The following GRID1 variants were observed in gnomAD, a reference collection of about 807,000 sequenced individuals.
GRID1 encodes glutamate ionotropic receptor delta type subunit 1, also known as glutamate receptor ionotropic, delta-1.
GRID1 carries 28 observed loss-of-function variants against 98.0 expected under a neutral mutation model. That is an observed-to-expected ratio of 0.29 (90% CI 0.21 to 0.39). GRID1 has a LOEUF of 0.39. Among genes scored for constraint, GRID1 ranks in the 10% least tolerant of loss-of-function variants. The pLI is 1.00. For synonymous variants in GRID1, 553 were observed against 538.5 expected, an observed-to-expected ratio of 1.03 and a Z score of -0.37; for missense variants, 1,111 against 1,340.5, an observed-to-expected ratio of 0.83 and a Z score of 2.67.
chr10:86,131,599 A>C (rs1844839558), intron 4 of GRID1, among the ~76,000 whole-genome samples: 1 of 152,222 alleles, frequency 6.6e-6, no homozygotes, highest in South Asian at 2.1e-4. Context: ...CAGAGCACCA[A>C]GAATGGGATG....
rs117964943 is a variant in GRID1 at position 85,840,679 on chromosome 10, T to C, written c.1233+13817A>G. Among the ~76,000 whole-genome samples, 73 of 152,256 alleles carry C rather than the reference T, an allele frequency of 4.8e-4. 2 individuals are homozygous for C. In the East Asian group the frequency reaches 0.011, roughly 22 times the overall value. ...ATCAATGTGCAAAAATCACTAGCAT[T>C]CTTATACATCAACCACTGTAAAGCA... On this transcript the variant is annotated intron_variant, in intron 8 of 15. Transcript: ENST00000327946.
intron 12 of GRID1, among the ~76,000 whole-genome samples, chr10:85,667,316 C>CACAGAGAG (rs1178027068): frequency 4.0e-5 from 6 of 148,906 alleles, no homozygotes; most frequent in South Asian, 2.2e-4. Context: ...CACACACACA[C>CACAGAGAG]AGAGAGAGAG....
chr10:86,013,052 G>T (rs1212554642), intron 4 of GRID1, among the ~76,000 whole-genome samples: 1 of 152,142 alleles, frequency 6.6e-6, no homozygotes, highest in East Asian at 1.9e-4. Flanking sequence ...GGTCAGAGTA[G>T]GGGCTAATGC....
At chr10:85,633,705 T>C (rs1590168009) in intron 13 of GRID1, among the ~76,000 whole-genome samples, 2 of 152,330 alleles carry the variant, frequency 1.3e-5, no homozygotes, top group East Asian at 3.9e-4. Flanking sequence ...TTATAGCCTT[T>C]GCTAAAATGT....
At chr10:86,128,732 G>C (rs985628514) in intron 4 of GRID1, among the ~76,000 whole-genome samples, 8 of 152,134 alleles carry the variant, frequency 5.3e-5, no homozygotes. Context: ...TCAGAATGTT[G>C]ACCTTGCCCA....
intron 5 of GRID1, among the ~76,000 whole-genome samples, chr10:85,880,693 T>A (rs1166007061): frequency 3.9e-5 from 6 of 151,980 alleles, no homozygotes; most frequent in African/African-American, 1.5e-4. Flanking sequence ...ACTGGAAGCA[T>A]TCCCTTTGAA....
intron 3 of GRID1, among the ~76,000 whole-genome samples, chr10:86,149,475 G>T (rs1268592094): frequency 6.6e-6 from 1 of 152,138 alleles, no homozygotes; most frequent in East Asian, 1.9e-4. Flanking sequence ...CCCCTGCCTG[G>T]GGCACTAACA....
At chr10:85,828,472 G>T (rs1842839484) in intron 8 of GRID1, among the ~76,000 whole-genome samples, 1 of 151,870 alleles carries the variant, frequency 6.6e-6, no homozygotes, top group African/African-American at 2.4e-5. Context: ...ACCGAGATGT[G>T]AAAAACCATA....
chr10:85,799,688 G>A (rs1842558125), intron 8 of GRID1, among the ~76,000 whole-genome samples: 1 of 152,072 alleles, frequency 6.6e-6, no homozygotes, highest in Admixed American at 6.5e-5. Flanking sequence ...GTAGAGAGTA[G>A]AATAGTGGTT....
chr10:86,181,045 G>C (rs950531446), intron 3 of GRID1, among the ~76,000 whole-genome samples: 5 of 152,156 alleles, frequency 3.3e-5, no homozygotes, highest in African/African-American at 1.2e-4. Flanking sequence ...AACACACAGT[G>C]CTTGGGCAGG....
At chr10:85,854,370 G>T in intron 8 of GRID1, 126 bp downstream of exon 8, 1 of 840,482 alleles carries the variant, frequency 1.2e-6, no homozygotes. Flanking sequence ...CATCAGCAGA[G>T]AGAGACTAGG....
intron 2 of GRID1, among the ~76,000 whole-genome samples, chr10:86,301,394 G>A (rs1847684620): frequency 6.6e-6 from 1 of 152,236 alleles, no homozygotes; most frequent in African/African-American, 2.4e-5. Flanking sequence ...CTAATGGTGT[G>A]TGGCTAAGCC....
At chr10:85,822,489 T>C (rs372153507) in intron 8 of GRID1, among the ~76,000 whole-genome samples, 3 of 152,100 alleles carry the variant, frequency 2.0e-5, no homozygotes, top group Non-Finnish European at 2.9e-5. Context: ...CACAATGAGA[T>C]ACCATCTCAC....
intron 2 of GRID1, among the ~76,000 whole-genome samples, chr10:86,223,597 A>G (rs1358006602): frequency 1.3e-5 from 2 of 152,212 alleles, no homozygotes; most frequent in East Asian, 3.8e-4. Context: ...TTCTGGAGGT[A>G]TGGGGAGGGG....
At chr10:85,651,403 A>G (rs115344235) in intron 12 of GRID1, among the ~76,000 whole-genome samples, 4 of 152,174 alleles carry the variant, frequency 2.6e-5, no homozygotes, top group Non-Finnish European at 4.4e-5. Context: ...ATTGGAGCCT[A>G]TCTCCTCAAC....
intron 13 of GRID1, among the ~76,000 whole-genome samples, chr10:85,643,227 A>G (rs1184570915): frequency 1.3e-5 from 2 of 152,158 alleles, no homozygotes; most frequent in Non-Finnish European, 2.9e-5. Context: ...GTCAATTGCT[A>G]AAGAAGTTTC....
At chr10:86,185,927 C>T (rs1282232796) in intron 3 of GRID1, among the ~76,000 whole-genome samples, 1 of 152,194 alleles carries the variant, frequency 6.6e-6, no homozygotes, top group Non-Finnish European at 1.5e-5. Context: ...CAGGATAACA[C>T]TGATCTAATA....
At chr10:85,904,207 C>T (rs28630767) in intron 5 of GRID1, among the ~76,000 whole-genome samples, 3,281 of 152,100 alleles carry the variant, frequency 0.022, 115 homozygotes, top group African/African-American at 0.074. Flanking sequence ...TTGGATTTAC[C>T]CTCTGACCTG....
intron 4 of GRID1, among the ~76,000 whole-genome samples, chr10:85,938,596 A>G (rs968767637): frequency 6.6e-6 from 1 of 152,190 alleles, no homozygotes; most frequent in African/African-American, 2.4e-5. Context: ...AAATGCCACG[A>G]TACAAACGAG....
Sources: allele counts gnomAD v4.1 joint callset (sites outside exome capture counted in the v4.1 genomes callset), GRCh38; gene constraint gnomAD v4.1.1; transcripts MANE v1.5; gene names NCBI Gene and HGNC (gene_info 2026-07-23, HGNC 2026-07-21).